The following MDGA2 variants were observed in gnomAD, a reference collection of about 807,000 sequenced individuals.
The protein encoded by MDGA2 is MAM domain-containing glycosylphosphatidylinositol anchor protein 2.
A neutral mutation model predicts 117.8 loss-of-function variants in MDGA2; 40 were observed. That is an observed-to-expected ratio of 0.34 (90% CI 0.26 to 0.44). MDGA2 has a LOEUF of 0.44. Among genes scored for constraint, MDGA2 ranks in the 20% least tolerant of loss-of-function variants. The pLI is 1.00. For missense variants in MDGA2, 1,123 were observed against 1,250.6 expected, an observed-to-expected ratio of 0.90 and a Z score of 1.54; for synonymous variants, 452 against 439.0, an observed-to-expected ratio of 1.03 and a Z score of -0.37.
chr14:47,431,236 C>G (rs887520728), intron 1 of MDGA2, among the ~76,000 whole-genome samples: 1 of 151,806 alleles, frequency 6.6e-6, no homozygotes, highest in African/African-American at 2.4e-5. Flanking sequence ...ACAAGTATCA[C>G]CATAGGCAAT....
intron 12 of MDGA2, 25 bp downstream of exon 12, chr14:46,877,464 A>T (rs1423416053): frequency 2.3e-6 from 3 of 1,325,682 alleles, no homozygotes; most frequent in East Asian, 5.0e-5. Flanking sequence ...ATATAGTGCC[A>T]TTTTGTAAGT....
chr14:47,434,052 A>G (rs1056683252), intron 1 of MDGA2, among the ~76,000 whole-genome samples: 1 of 152,128 alleles, frequency 6.6e-6, no homozygotes, highest in African/African-American at 2.4e-5. Context: ...AAAGCTTTTC[A>G]TATCTGAAAA....
intron 1 of MDGA2, among the ~76,000 whole-genome samples, chr14:47,626,079 T>C (rs1274345524): frequency 6.6e-6 from 1 of 152,226 alleles, no homozygotes; most frequent in Non-Finnish European, 1.5e-5. Flanking sequence ...TGCTCAAGCA[T>C]GGCATTGACC....
chr14:46,980,457 A>T (rs1411385720), intron 8 of MDGA2, among the ~76,000 whole-genome samples: 1 of 152,344 alleles, frequency 6.6e-6, no homozygotes, highest in South Asian at 2.1e-4. Flanking sequence ...TGTTGAAATT[A>T]CCACGAAGGA....
intron 8 of MDGA2, among the ~76,000 whole-genome samples, chr14:46,977,154 A>C (rs560548304): frequency 1.3e-5 from 2 of 151,984 alleles, no homozygotes; most frequent in African/African-American, 4.8e-5. Context: ...TATATGACAT[A>C]TGTATCATCA....
At chr14:47,439,194 T>C (rs1174761197) in intron 1 of MDGA2, among the ~76,000 whole-genome samples, 4 of 152,074 alleles carry the variant, frequency 2.6e-5, no homozygotes, top group Admixed American at 6.6e-5. Context: ...TAGTTAGTTA[T>C]GATAGAGATA....
At chr14:47,653,760 G>C (rs1897689111) in intron 1 of MDGA2, among the ~76,000 whole-genome samples, 1 of 152,172 alleles carries the variant, frequency 6.6e-6, no homozygotes, top group South Asian at 2.1e-4. Flanking sequence ...AGCGGAAAAA[G>C]AGGAGAGTCA....
chr14:47,545,190 T>C (rs532744752), intron 1 of MDGA2, among the ~76,000 whole-genome samples: 40 of 152,290 alleles, frequency 2.6e-4, no homozygotes, highest in African/African-American at 9.6e-4. Context: ...CTGTGTTTAA[T>C]ACTTGTGCAA....
At chr14:47,480,685 A>T (rs1893934141) in intron 1 of MDGA2, among the ~76,000 whole-genome samples, 1 of 152,042 alleles carries the variant, frequency 6.6e-6, no homozygotes, top group African/African-American at 2.4e-5. Flanking sequence ...AGAAAGAATA[A>T]ACTTAGTCCA....
intron 7 of MDGA2, among the ~76,000 whole-genome samples, chr14:47,047,456 G>T (rs2138707031): frequency 1.3e-5 from 2 of 152,192 alleles, no homozygotes; most frequent in South Asian, 4.1e-4. Context: ...AAAGAGCAAG[G>T]CTTATGTCTG....
rs1165247809 is a variant in MDGA2 at position 46,841,405 on chromosome 14, C to T, written c.*526G>A. The T allele has an allele frequency of 6.6e-6, 1 of 152,524 alleles. No individual in the cohort carries two copies. Among genetic ancestry groups the T allele is most frequent in the African/African-American group, 2.4e-5 (1 of 41,414 alleles). 9.4% of individuals were successfully genotyped at this position (152,524 alleles called of 1,614,324 possible). A position where few individuals can be genotyped will look rare whatever the true frequency, so the allele number is the denominator to read the frequency against. On this transcript the variant is annotated 3_prime_UTR_variant, in exon 17 of 17. Coordinates refer to ENST00000399232, the MANE Select transcript of MDGA2 (RefSeq NM_001113498.3). ...TCGGGTTATTTTCAAGGAAGGGTAA[C>T]AGCCAAAGGTAAAAGGGCCTACATT...
chr14:47,025,965 T>C (rs1483373400), intron 8 of MDGA2, among the ~76,000 whole-genome samples: 1 of 152,142 alleles, frequency 6.6e-6, no homozygotes, highest in Non-Finnish European at 1.5e-5. Context: ...AATACGCCTC[T>C]AGTAGTCCCG....
intron 1 of MDGA2, among the ~76,000 whole-genome samples, chr14:47,403,414 T>C (rs768411451): frequency 3.3e-5 from 5 of 152,198 alleles, no homozygotes; most frequent in African/African-American, 7.2e-5. Flanking sequence ...TCTAGATGAA[T>C]GTTGGATGAT....
chr14:46,906,024 CATT>C (rs898301152), intron 10 of MDGA2, among the ~76,000 whole-genome samples: 19 of 151,850 alleles, frequency 1.3e-4, no homozygotes, highest in Middle Eastern at 3.4e-3. Flanking sequence ...GGCATGTTGT[CATT>C]ATATAAAAGA....
At chr14:47,229,635 G>C (rs1364804528) in intron 2 of MDGA2, among the ~76,000 whole-genome samples, 2 of 151,464 alleles carry the variant, frequency 1.3e-5, no homozygotes, top group African/African-American at 4.8e-5. Flanking sequence ...GCATTCATTA[G>C]AAATGCTATA....
intron 1 of MDGA2, among the ~76,000 whole-genome samples, chr14:47,354,426 A>G (rs1890948473): frequency 1.3e-5 from 2 of 152,154 alleles, no homozygotes; most frequent in Non-Finnish European, 2.9e-5. Context: ...GAGATGCCTG[A>G]TTTGGAGATA....
At chr14:47,655,199 T>C (rs974581685) in intron 1 of MDGA2, among the ~76,000 whole-genome samples, 4 of 152,148 alleles carry the variant, frequency 2.6e-5, no homozygotes, top group Non-Finnish European at 5.9e-5. Flanking sequence ...GCTTGGCCAG[T>C]TGCAGTATCT....
chr14:47,333,589 A>T (rs1430286585), intron 1 of MDGA2, among the ~76,000 whole-genome samples: 1 of 151,880 alleles, frequency 6.6e-6, no homozygotes, highest in African/African-American at 2.4e-5. Context: ...GTAATATAAT[A>T]CAGAAATAAT....
rs1345589052 is a variant in MDGA2, at chr14:46,931,525, C to T, written c.2090-11365G>A. On this transcript the variant is annotated intron_variant, in intron 9 of 16. Transcript: ENST00000399232. ...TCCAATTGCTTTTAGTTTATTTTTG[C>T]TTTTTTTTTTTTTTTGAGATGGAGT... Among the ~76,000 whole-genome samples the T allele has an allele frequency of 1.1e-3, 144 of 128,900 alleles. 2 individuals carry two copies. The highest frequency in any genetic ancestry group is 7.3e-3 in the South Asian group (30 of 4,086). The allele number at this position is 128,900 out of a possible 152,430, so 84.6% of individuals were successfully genotyped here.
Sources: allele counts gnomAD v4.1 joint callset (sites outside exome capture counted in the v4.1 genomes callset), GRCh38; gene constraint gnomAD v4.1.1; transcripts MANE v1.5; gene names NCBI Gene and HGNC (gene_info 2026-07-23, HGNC 2026-07-21).